The following SYT1 variants were observed in gnomAD, a reference collection of about 807,000 sequenced individuals.
SYT1 encodes the protein synaptotagmin-1.
A neutral mutation model predicts 44.8 loss-of-function variants in SYT1; 8 were observed. The observed-to-expected ratio is 0.18, with a 90% CI of 0.10 to 0.32. The LOEUF is 0.32. Among genes scored for constraint, SYT1 ranks in the 10% least tolerant of loss-of-function variants. The probability of loss-of-function intolerance (pLI) is 1.00; values close to 1 mark genes in which losing one functional copy is unlikely to be tolerated. For synonymous variants in SYT1, 154 were observed against 188.8 expected (o/e 0.82, Z 1.51); for missense variants, 286 against 509.3 (o/e 0.56, Z 4.22).
intron 2 of SYT1, among the ~76,000 whole-genome samples, chr12:79,028,818 A>G (rs941264107): frequency 4.0e-5 from 6 of 151,366 alleles, no homozygotes; most frequent in Admixed American, 6.6e-5. Context: ...ATGCCGTTCC[A>G]TAAGTAAAAA....
chr12:78,983,594 T>C (rs961035598), intron 2 of SYT1, among the ~76,000 whole-genome samples: 2 of 152,092 alleles, frequency 1.3e-5, no homozygotes, highest in Non-Finnish European at 2.9e-5. Context: ...TAGCCCTAAA[T>C]TGTTTATAAA....
chr12:79,366,561 G>T (rs1883550777), intron 9 of SYT1, among the ~76,000 whole-genome samples: 1 of 152,184 alleles, frequency 6.6e-6, no homozygotes, highest in African/African-American at 2.4e-5. Context: ...TTGGCCTCCA[G>T]TGGAGTTGCA....
chr12:79,287,759 C>A (rs527771881), intron 5 of SYT1, among the ~76,000 whole-genome samples: 1 of 151,928 alleles, frequency 6.6e-6, no homozygotes, highest in African/African-American at 2.4e-5. Context: ...GTTTATTACC[C>A]CTGTTATGAC....
intron 2 of SYT1, chr12:79,045,948 T>C (rs1249994601): frequency 6.6e-6 from 1 of 152,226 alleles, no homozygotes; most frequent in African/African-American, 2.4e-5. Context: ...TGTCACTGTT[T>C]ACCTTAATGT....
intron 1 of SYT1, among the ~76,000 whole-genome samples, chr12:78,967,815 CAG>C (rs1422880532): frequency 6.6e-6 from 1 of 151,966 alleles, no homozygotes; most frequent in Non-Finnish European, 1.5e-5. Context: ...AAATTAAACA[CAG>C]ATATGATAAA....
chr12:79,401,763 G>A (rs1465522603), intron 9 of SYT1, among the ~76,000 whole-genome samples: 1 of 150,744 alleles, frequency 6.6e-6, no homozygotes, highest in Non-Finnish European at 1.5e-5. Context: ...TCTAACTCCT[G>A]GGCTCAAGAG....
intron 3 of SYT1, among the ~76,000 whole-genome samples, chr12:79,176,647 G>T (rs968969028): frequency 6.6e-6 from 1 of 151,898 alleles, no homozygotes; most frequent in African/African-American, 2.4e-5. Flanking sequence ...CTTTACATTT[G>T]AAAAAGTTTT....
chr12:79,083,393 A>G (rs1877168889), intron 3 of SYT1, among the ~76,000 whole-genome samples: 1 of 152,144 alleles, frequency 6.6e-6, no homozygotes. Flanking sequence ...GTTTTAGTAG[A>G]TGAATCCCCT....
intron 9 of SYT1, among the ~76,000 whole-genome samples, chr12:79,439,885 G>T (rs959509174): frequency 6.7e-6 from 1 of 149,706 alleles, no homozygotes; most frequent in East Asian, 2.0e-4. Flanking sequence ...AGAGCAGCAG[G>T]TTTGGAGTCA....
At chr12:78,938,571 A>G (rs1878188228) in intron 1 of SYT1, among the ~76,000 whole-genome samples, 1 of 152,192 alleles carries the variant, frequency 6.6e-6, no homozygotes, top group Admixed American at 6.5e-5. Context: ...CCTAAAATGG[A>G]CACACAAACT....
chr12:78,875,316 G>T (rs1287913537), intron 1 of SYT1, among the ~76,000 whole-genome samples: 2 of 151,704 alleles, frequency 1.3e-5, no homozygotes, highest in African/African-American at 2.4e-5. Flanking sequence ...CAGGTTTCCT[G>T]CATGTAGGAG....
At chr12:79,316,605 A>G (rs966208064) in intron 8 of SYT1, among the ~76,000 whole-genome samples, 1 of 152,128 alleles carries the variant, frequency 6.6e-6, no homozygotes, top group African/African-American at 2.4e-5. Flanking sequence ...GGCTTCAGTC[A>G]TGTTTTCTTT....
chr12:78,930,054 T>C (rs1304023999), intron 1 of SYT1, among the ~76,000 whole-genome samples: 1 of 152,102 alleles, frequency 6.6e-6, no homozygotes, highest in Non-Finnish European at 1.5e-5. Flanking sequence ...GATCCAGGGA[T>C]AAAATTTCAG....
chr12:79,417,598 T>G lies in SYT1; in HGVS notation c.929-26475T>G, dbSNP rs527741514. On this transcript the variant is annotated intron_variant, in intron 9 of 10. Coordinates refer to ENST00000261205, the MANE Select transcript of SYT1 (RefSeq NM_005639.3). ...TTTAATTAGCTTCTCACTACCTTCATGATGAAATTCGAATTCCTTAGAATG... is the reference window on the plus strand; with the variant it reads ...TTTAATTAGCTTCTCACTACCTTCAGGATGAAATTCGAATTCCTTAGAATG... 3.5e-4 allele frequency among the ~76,000 whole-genome samples: 54 copies of G among 152,282 alleles called. 1 individual carries two copies. In the South Asian group the frequency reaches 0.011, roughly 31 times the overall value.
intron 2 of SYT1, among the ~76,000 whole-genome samples, chr12:79,014,122 C>CAAAAAAAAAAAAAAAAAAAAAAA (rs1358787041): frequency 2.5e-5 from 1 of 39,738 alleles, no homozygotes; most frequent in Non-Finnish European, 5.7e-5. Flanking sequence ...AGACTCTCTC[C>CAAAAAAAAAAAAAAAAAAAAAAA]AAAAAAAAAA....
intron 9 of SYT1, among the ~76,000 whole-genome samples, chr12:79,428,447 T>C (rs1467635599): frequency 6.6e-6 from 1 of 152,212 alleles, no homozygotes; most frequent in Non-Finnish European, 1.5e-5. Context: ...ACGAGGCCTT[T>C]AAGTGTCTTT....
At chr12:79,078,921 T>C (rs139715836) in intron 3 of SYT1, among the ~76,000 whole-genome samples, 2 of 152,260 alleles carry the variant, frequency 1.3e-5, no homozygotes, top group Non-Finnish European at 2.9e-5. Context: ...GGAGAGTCCA[T>C]TGTACTCAAT....
chr12:79,345,743 C>T (rs551363569), intron 8 of SYT1, among the ~76,000 whole-genome samples: 251 of 152,202 alleles, frequency 1.6e-3, no homozygotes, highest in African/African-American at 5.8e-3. Flanking sequence ...ATGCTACCAC[C>T]CAAAAGATAT....
At chr12:78,951,146 C>G (rs1878943970) in intron 1 of SYT1, among the ~76,000 whole-genome samples, 1 of 152,050 alleles carries the variant, frequency 6.6e-6, no homozygotes, top group Non-Finnish European at 1.5e-5. Context: ...ATCTTTTTTC[C>G]TAATTCAGTA....
Sources: gnomAD v4.1 joint callset for allele counts (sites outside exome capture counted in the v4.1 genomes callset) on GRCh38, gnomAD v4.1.1 for gene constraint, MANE v1.5 for transcripts, NCBI Gene and HGNC (gene_info 2026-07-23, HGNC 2026-07-21) for gene names.